Variants in CYBB observed in about 807,000 individuals in gnomAD.
CYBB encodes the protein NADPH oxidase 2.
In CYBB, 5 loss-of-function variants were observed where a neutral mutation model predicts 46.5. That is an observed-to-expected ratio of 0.11 (90% CI 0.06 to 0.23). The LOEUF (loss-of-function observed/expected upper bound fraction) is 0.23. Ranked by LOEUF, CYBB falls within the 10% of genes least tolerant of loss-of-function variation. The pLI is 1.00. For synonymous variants in CYBB, 183 were observed against 156.7 expected (o/e 1.17, Z -1.26); for missense variants, 307 against 428.3 (o/e 0.72, Z 2.50).
intron 5 of CYBB, among the ~76,000 whole-genome samples, chrX:37,794,965 A>G (rs980196893): frequency 1.3e-4 from 14 of 111,862 alleles, no homozygotes; most frequent in African/African-American, 4.2e-4. Context: ...TTTTTTCTAC[A>G]ATATATTGGG....
chrX:37,788,125 GT>G (rs1929114005), intron 3 of CYBB, among the ~76,000 whole-genome samples: 1 of 112,083 alleles, frequency 8.9e-6, no homozygotes, highest in South Asian at 3.6e-4. Flanking sequence ...AGGATCTACA[GT>G]TAAAGCTATC....
chrX:37,806,355 A>G, intron 10 of CYBB, 32 bp from the exon 11 acceptor site: 1 of 1,207,074 alleles, frequency 8.3e-7, no homozygotes. Flanking sequence ...CCTGCCAAAT[A>G]TAATCTGCTT....
chrX:37,795,889 CAT>C lies in CYBB; in HGVS notation c.484-61_484-60del, dbSNP rs1491563382. The stretch of plus-strand genomic sequence containing the variant: ...GAACCTATAATATTGTGCTTGCGCA[CAT>C]GTGTGTGTGTGTGTGTGTGTGTGTG... On this transcript the variant is annotated intron_variant, in intron 5 of 12. Coordinates refer to ENST00000378588, the MANE Select transcript of CYBB (RefSeq NM_000397.4). The C allele has an allele frequency of 1.2e-3, 807 of 688,906 alleles. 1 individual carries two copies. The highest frequency in any genetic ancestry group is 2.9e-3 in the East Asian group (87 of 29,718). The allele number at this position is 688,906 out of a possible 1,213,427, so 56.8% of individuals were successfully genotyped here. A position where few individuals can be genotyped will look rare whatever the true frequency, so the allele number is the denominator to read the frequency against.
At position 37,809,801 on chromosome X, in the gene CYBB, A is replaced by G. The variant is rs1556472772; in HGVS notation, c.1586+110A>G. ...TAGAAACTCAAATATGTATATTACT[A>G]TATAAAGATTGAATTCATGCCCAAC... On this transcript the variant is annotated intron_variant, in intron 12 of 12. Coordinates refer to ENST00000378588, the MANE Select transcript of CYBB (RefSeq NM_000397.4). The G allele has an allele frequency of 1.1e-5, 9 of 794,336 alleles. No homozygotes were observed. The South Asian group carries it at 1.3e-4, about 11-fold the overall frequency. The allele number at this position is 794,336 out of a possible 1,213,427, so 65.5% of individuals were successfully genotyped here. A position where few individuals can be genotyped will look rare whatever the true frequency, so the allele number is the denominator to read the frequency against.
intron 3 of CYBB, among the ~76,000 whole-genome samples, chrX:37,786,635 T>C (rs1929072281): frequency 9.0e-6 from 1 of 111,202 alleles, no homozygotes; most frequent in South Asian, 3.7e-4. Context: ...GGGTAAAGGC[T>C]CTCAGACTGC....
At chrX:37,801,046 A>T (rs1177339218) in intron 7 of CYBB, among the ~76,000 whole-genome samples, 1 of 112,140 alleles carries the variant, frequency 8.9e-6, no homozygotes, top group African/African-American at 3.2e-5. Flanking sequence ...CATTGTGACT[A>T]AGGAGAATGT....
intron 12 of CYBB, among the ~76,000 whole-genome samples, chrX:37,810,107 G>C (rs1325071353): frequency 8.9e-6 from 1 of 112,051 alleles, no homozygotes; most frequent in Admixed American, 9.5e-5. Flanking sequence ...TAAGTTGACA[G>C]ATGTCTCAAG....
chrX:37,810,774 T>C lies in CYBB; in HGVS notation c.1587-17T>C, dbSNP rs1929656468. The C allele has an allele frequency of 1.7e-6, 2 of 1,206,244 alleles. No individual in the cohort carries two copies. Among genetic ancestry groups the C allele is most frequent in the Non-Finnish European group, 2.2e-6 (2 of 892,284 alleles). ...ATCCCAAAGCTTGAAATTGTCTTTT[T>C]TTTTCTTTCCCAAAAGTACCAGAAT... On this transcript the variant is annotated splice_polypyrimidine_tract_variant and intron_variant, in intron 12 of 12. Transcript: ENST00000378588.
chrX:37,780,873 A>AT (rs1556464327), intron 1 of CYBB, among the ~76,000 whole-genome samples: 5 of 111,709 alleles, frequency 4.5e-5, no homozygotes, highest in Non-Finnish European at 9.4e-5. Flanking sequence ...CAAAGCAATA[A>AT]TGGACAAATT....
intron 10 of CYBB, 60 bp downstream of exon 10, chrX:37,805,228 C>G: frequency 4.5e-6 from 5 of 1,121,527 alleles, no homozygotes; most frequent in South Asian, 3.7e-5. Flanking sequence ...CCATGTGAGG[C>G]CTGAGAGTGC....
rs1419331434 is a variant in CYBB, at chrX:37,793,732, T to A, written c.405T>A (p.Asp135Glu). Residue 135 changes from aspartate to glutamate, a missense_variant, in exon 5 of 13, where the codon GAT (aspartate) becomes GAA (glutamate). Asp to Glu is a conservative substitution (Grantham distance 45, BLOSUM62 2). Around this residue, in one of 3 missense-constraint regions of CYBB, gnomAD observed 103 missense variants for 150.2 expected, o/e 0.69. Coordinates refer to ENST00000378588, the MANE Select transcript of CYBB (RefSeq NM_000397.4). ...TGAATGCCCGAGTCAATAATTCTGATCCTTATTCAGTAGCACTCTCTGAAC... is the reference window on the plus strand; with the variant it reads ...TGAATGCCCGAGTCAATAATTCTGAACCTTATTCAGTAGCACTCTCTGAAC... ...WCVNARVNNS[D>E]PYSVALSELG... 1 of 1,205,368 alleles carries A rather than the reference T, an allele frequency of 8.3e-7. No individual in the cohort carries two copies. Among genetic ancestry groups the A allele is most frequent in the Non-Finnish European group, 1.1e-6 (1 of 891,817 alleles).
At chrX:37,788,565 A>T (rs1929125552) in intron 3 of CYBB, among the ~76,000 whole-genome samples, 1 of 111,892 alleles carries the variant, frequency 8.9e-6, no homozygotes, top group Non-Finnish European at 1.9e-5. Context: ...TATTGATTAA[A>T]TACCTGTCAA....
intron 7 of CYBB, among the ~76,000 whole-genome samples, chrX:37,800,554 T>G (rs1359340317): frequency 5.4e-5 from 6 of 111,724 alleles, no homozygotes; most frequent in African/African-American, 2.0e-4. Flanking sequence ...CTAAAATTCT[T>G]TGCTAGTTTA....
In CYBB at chrX:37,802,276, G is replaced by A. The variant is rs782619911; in HGVS notation, c.897+928G>A. Among the ~76,000 whole-genome samples, 4 of 111,522 alleles carry A rather than the reference G, an allele frequency of 3.6e-5. No individual in the cohort carries two copies. The South Asian group carries it at 1.1e-3, about 31-fold the overall frequency. On this transcript the variant is annotated intron_variant, in intron 8 of 12. Transcript: ENST00000378588. ...GTTCTCCTTTTGTGATATTTATATT[G>A]CATTATAAGAACAATCCCACAGATC...
chrX:37,782,019 G>C (rs1004848535), intron 1 of CYBB, 69 bp from the exon 2 acceptor site: 1 of 908,081 alleles, frequency 1.1e-6, no homozygotes, highest in Middle Eastern at 2.7e-4. Context: ...ACCCTTATCT[G>C]ACTCCAGTCT....
At chrX:37,789,639 C>CG (rs1569479047) in intron 3 of CYBB, among the ~76,000 whole-genome samples, 1 of 110,567 alleles carries the variant, frequency 9.0e-6, no homozygotes, top group African/African-American at 3.3e-5. Flanking sequence ...TAATTTTCAG[C>CG]ACTTGTAATG....
intron 2 of CYBB, 29 bp downstream of exon 2, chrX:37,782,212 T>C (rs781898347): frequency 1.6e-5 from 15 of 961,136 alleles, no homozygotes; most frequent in African/African-American, 7.6e-5. Flanking sequence ...CCATGCAATA[T>C]TGGCTGGTTC....
chrX:37,793,638 T>C (rs1324879906), intron 4 of CYBB, 27 bp from the exon 5 acceptor site: 14 of 1,202,706 alleles, frequency 1.2e-5, no homozygotes, highest in Non-Finnish European at 1.2e-5. Flanking sequence ...CTTCATTCTC[T>C]TTGTTTCTCT....
At position 37,801,281 on chromosome X, in the gene CYBB, T is replaced by C; in HGVS notation, c.830T>C (p.Met277Thr). The change falls in exon 8 of 13, where the codon ATG becomes ACG. Residue 277 changes from methionine (M) to threonine (T), a missense_variant. By Grantham distance (81) the Met-to-Thr change is moderately conservative. Coordinates refer to ENST00000378588, the MANE Select transcript of CYBB (RefSeq NM_000397.4). ...PMTWKWIVGPMFLYLCERLVR... is the reference protein window; with the variant it reads ...PMTWKWIVGPTFLYLCERLVR... The stretch of plus-strand genomic sequence containing the variant: ...ACTTGGAAATGGATAGTGGGTCCCA[T>C]GTTTCTGTATCTCTGTGAGAGGTTG... The C allele has an allele frequency of 8.3e-7, 1 of 1,207,973 alleles. No individual in the cohort carries two copies. The highest frequency in any genetic ancestry group is 1.7e-5 in the African/African-American group (1 of 57,682).
Sources: gnomAD v4.1 joint callset for allele counts (sites outside exome capture counted in the v4.1 genomes callset) on GRCh38, gnomAD v4.1.1 for gene constraint, gnomAD v4.1.1 regional missense constraint, MANE v1.5 for transcripts, NCBI Gene and HGNC (gene_info 2026-07-23, HGNC 2026-07-21) for gene names.